The following PER2 variants were observed in gnomAD, a reference collection of about 807,000 sequenced individuals.
PER2 encodes period circadian protein homolog 2.
In PER2, 66 loss-of-function variants were observed where a neutral mutation model predicts 121.0. The ratio of observed to expected loss-of-function variants is 0.55; its 90% CI spans 0.45 to 0.67. PER2 has a LOEUF of 0.67. Among genes scored for constraint, PER2 ranks in the 30% least tolerant of loss-of-function variants. The probability of loss-of-function intolerance (pLI) is 0.00; values close to 1 mark genes in which losing one functional copy is unlikely to be tolerated. For missense variants in PER2, 1,521 were observed against 1,635.0 expected, an observed-to-expected ratio of 0.93 and a Z score of 1.20; for synonymous variants, 684 against 659.9, an observed-to-expected ratio of 1.04 and a Z score of -0.56.
intron 5 of PER2, among the ~76,000 whole-genome samples, chr2:238,272,530 T>C (rs1696320921): frequency 6.6e-6 from 1 of 152,240 alleles, no homozygotes; most frequent in South Asian, 2.1e-4. Flanking sequence ...TGAGGCCAGC[T>C]TCATGATGGT....
At chr2:238,262,584 G>A (rs1053994422) in intron 10 of PER2, among the ~76,000 whole-genome samples, 2 of 152,124 alleles carry the variant, frequency 1.3e-5, no homozygotes, top group African/African-American at 4.8e-5. Flanking sequence ...GCATCTATGA[G>A]GGCTGGGCTT....
chr2:238,267,919 C>A (rs1696157990), intron 8 of PER2, 137 bp downstream of exon 8: 4 of 920,828 alleles, frequency 4.3e-6, no homozygotes, highest in Non-Finnish European at 6.9e-6. Context: ...GGAGACCCTG[C>A]CCAAGGTGAG....
At chr2:238,260,678 G>A in intron 13 of PER2, 150 bp downstream of exon 13, 1 of 834,032 alleles carries the variant, frequency 1.2e-6, no homozygotes, top group Non-Finnish European at 2.0e-6. Context: ...AGATTAAAAA[G>A]TCCCAAGTGG....
In PER2 at chr2:238,253,129, G is replaced by C; in HGVS notation, c.2894C>G (p.Thr965Ser). 1 of 1,603,674 alleles carries C rather than the reference G, an allele frequency of 6.2e-7. No individual in the cohort carries two copies. Among genetic ancestry groups the C allele is most frequent in the South Asian group, 1.1e-5 (1 of 90,604 alleles). The change falls in exon 19 of 23, where the codon ACC (threonine) becomes AGC (serine). Residue 965 changes from threonine (T) to serine (S), a missense_variant. Thr to Ser is a moderately conservative substitution (Grantham distance 58). Transcript: ENST00000254657. This position sits in a 1 kb window ranked among gnomAD's most constrained non-coding sequence, Gnocchi z 5.6. ...IPRQPCACPATRATPPSAMGR... is the reference protein window; with the variant it reads ...IPRQPCACPASRATPPSAMGR... ...CATGGCCGATGGTGGGGTGGCCCGG[G>C]TGGCTGGACAAGCACATGGCTGTCT...
Position 238,262,979 on chromosome 2 carries a change from G to A in PER2, c.1126C>T (p.Pro376Ser), listed in dbSNP as rs780618280. 6.2e-7 allele frequency: 1 copy of A among 1,613,380 alleles called. No homozygotes were observed. The highest frequency in any genetic ancestry group is 8.5e-7 in the Non-Finnish European group (1 of 1,179,330). Residue 376 changes from proline to serine, a missense_variant, in exon 10 of 23, where the codon CCC becomes TCC. By Grantham distance (74) the Pro-to-Ser change is moderately conservative (BLOSUM62 -1). Coordinates refer to ENST00000254657, the MANE Select transcript of PER2 (RefSeq NM_022817.3). The part of the protein sequence containing the change: ...VLVQLHPSDR[P>S]LMLAIHKKIL... ...TTTTTGTGGATGGCCAGCATCAAGG[G>A]CCTGTCACTAGGGTGGAGCTGCACG...
intron 16 of PER2, 73 bp from the exon 17 acceptor site, chr2:238,257,159 C>T: frequency 1.1e-5 from 15 of 1,420,006 alleles, no homozygotes; most frequent in Non-Finnish European, 1.2e-5. Context: ...AACCGACACC[C>T]AAGTGCCCAT....
rs554705668 is a variant in PER2 at position 238,255,186 on chromosome 2, G to C, written c.2320+471C>G. On this transcript the variant is annotated intron_variant, in intron 18 of 22. Coordinates refer to ENST00000254657, the MANE Select transcript of PER2 (RefSeq NM_022817.3). ...TGACCATGGACTCTGCCTGACTCTGGAGTCCAAAGCCCAGCCCTGAGGCTG... is the reference window on the plus strand; with the variant it reads ...TGACCATGGACTCTGCCTGACTCTGCAGTCCAAAGCCCAGCCCTGAGGCTG... 72 of 239,230 alleles carry C rather than the reference G, an allele frequency of 3.0e-4. 3 individuals are homozygous for C. The South Asian group carries it at 4.0e-3, about 13-fold the overall frequency. The allele number at this position is 239,230 out of a possible 1,614,324, so 14.8% of individuals were successfully genotyped here.
intron 3 of PER2, 112 bp downstream of exon 3, chr2:238,277,018 TG>T: frequency 1.2e-6 from 1 of 821,898 alleles, no homozygotes; most frequent in Non-Finnish European, 2.2e-6. Flanking sequence ...GCCACACAGA[TG>T]GGTTTTAGCA....
rs759840926 is a variant in PER2, at chr2:238,277,147, A to G, written c.277T>C (p.Ser93Pro). 2.5e-6 allele frequency: 4 copies of G among 1,612,626 alleles called. No individual in the cohort carries two copies. Among genetic ancestry groups the G allele is most frequent in the South Asian group, 1.1e-5 (1 of 91,060 alleles). ...LMMAKSEHNP[S>P]TSGCSSDQSS... ...TGGCCTTACCTGCAGCCACTTGTAG[A>G]TGGGTTGTGTTCAGATTTTGCCATC... is the stretch of plus-strand genomic sequence containing the variant. Residue 93 changes from serine (S) to proline (P), a missense_variant, in exon 3 of 23, where the codon TCT becomes CCT. By Grantham distance (74) the Ser-to-Pro change is moderately conservative. Transcript: ENST00000254657.
At chr2:238,259,542 C>A (rs191983046) in intron 14 of PER2, among the ~76,000 whole-genome samples, 75 of 152,368 alleles carry the variant, frequency 4.9e-4, no homozygotes, top group African/African-American at 1.7e-3. Context: ...GCTGGGCAAA[C>A]CGTCGGCAGT....
chr2:238,260,876 G>A lies in PER2; in HGVS notation c.1494C>T (p.Thr498=), dbSNP rs541441823. 3.1e-6 allele frequency: 5 copies of A among 1,613,996 alleles called. No individual in the cohort carries two copies. In the East Asian group the frequency reaches 1.1e-4, roughly 36 times the overall value. ...NGSHEHLMSQ[T]SSSDSNGHED... Reference sequence around the variant, plus strand: ...CATGGCCGTTGCTGTCGCTGGAGGAGGTCTGGCTCATAAGGTGCTCGTGGG... The same window carrying A: ...CATGGCCGTTGCTGTCGCTGGAGGAAGTCTGGCTCATAAGGTGCTCGTGGG... Residue 498 remains threonine (T), a synonymous_variant, in exon 13 of 23, where the codon ACC becomes ACT. Transcript: ENST00000254657.
rs1426018015 is a variant in PER2 at position 238,249,114 on chromosome 2, T to C, written c.3566A>G (p.Glu1189Gly). The C allele has an allele frequency of 6.2e-7, 1 of 1,614,186 alleles. No homozygotes were observed. The highest frequency in any genetic ancestry group is 8.5e-7 in the Non-Finnish European group (1 of 1,180,002). The part of the protein sequence containing the change: ...FTESQKQELR[E>G]VHQWMQTGGL... ...GCCCGTCTGCATCCACTGGTGGACC[T>C]CGCGCAGCTCCTGCTTCTGACTCTC... The change falls in exon 22 of 23, where the codon GAG becomes GGG. Residue 1189 changes from glutamate to glycine, a missense_variant. By Grantham distance (98) the Glu-to-Gly change is moderately conservative. Transcript: ENST00000254657.
Position 238,268,339 on chromosome 2 carries a change from T to C in PER2, c.825-141A>G, listed in dbSNP as rs976531199. ...TGCCTGAGGAGCTGGGCCTGCCCCC[T>C]GCCCTCTTCGGTCCCTCCCTCAGTC... is the stretch of plus-strand genomic sequence containing the variant. On this transcript the variant is annotated intron_variant, in intron 7 of 22. Transcript: ENST00000254657. This position sits in a 1 kb window ranked among gnomAD's most constrained non-coding sequence, Gnocchi z 4.0. 8 of 857,460 alleles carry C rather than the reference T, an allele frequency of 9.3e-6. No individual in the cohort carries two copies. Among genetic ancestry groups the C allele is most frequent in the Admixed American group, 4.0e-5 (2 of 50,116 alleles). The allele number at this position is 857,460 out of a possible 1,614,324, so 53.1% of individuals were successfully genotyped here.
chr2:238,294,198 G>A (rs1697007320), upstream of PER2, among the ~76,000 whole-genome samples: 1 of 152,236 alleles, frequency 6.6e-6, no homozygotes, highest in Non-Finnish European at 1.5e-5. Flanking sequence ...CCTTACCCGG[G>A]CAGGCCCCTG....
intron 13 of PER2, among the ~76,000 whole-genome samples, chr2:238,260,492 G>A (rs903134859): frequency 6.6e-6 from 1 of 152,180 alleles, no homozygotes; most frequent in Non-Finnish European, 1.5e-5. Context: ...CTGACCTTAG[G>A]TGATCCGCCT....
chr2:238,285,015 A>C (rs1483450663), intron 1 of PER2, among the ~76,000 whole-genome samples: 1 of 15,642 alleles, frequency 6.4e-5, no homozygotes. Flanking sequence ...CAAGGCGGGT[A>C]GGGGGAGGGA....
intron 5 of PER2, among the ~76,000 whole-genome samples, chr2:238,272,568 C>T (rs1454238812): frequency 6.6e-6 from 1 of 152,242 alleles, no homozygotes; most frequent in Non-Finnish European, 1.5e-5. Context: ...CCCCACTAGC[C>T]CTCACATCTG....
intron 9 of PER2, among the ~76,000 whole-genome samples, chr2:238,264,418 T>G (rs2106308343): frequency 6.6e-6 from 1 of 152,078 alleles, no homozygotes; most frequent in East Asian, 1.9e-4. Flanking sequence ...CCATAGAGCC[T>G]CCCCAGGAAG....
rs2106324599 is a variant in PER2 at position 238,277,203 on chromosome 2, CA to C, written c.231-11del. 1.9e-6 allele frequency: 3 copies of C among 1,605,806 alleles called. No individual in the cohort carries two copies. The East Asian group carries it at 6.7e-5, about 36-fold the overall frequency. The stretch of plus-strand genomic sequence containing the variant: ...GCTAAAGGTATCTGGACTATGAAAA[CA>C]AAAAATAAAAGCAAAATTTAGACAA... On this transcript the variant is annotated splice_polypyrimidine_tract_variant and intron_variant, in intron 2 of 22. Transcript: ENST00000254657.
Sources: gnomAD v4.1 joint callset for allele counts (sites outside exome capture counted in the v4.1 genomes callset) on GRCh38, gnomAD v4.1.1 for gene constraint, Gnocchi (gnomAD v3.1) non-coding constraint, MANE v1.5 for transcripts, NCBI Gene and HGNC (gene_info 2026-07-23, HGNC 2026-07-21) for gene names.